The following IQSEC3 variants were observed in gnomAD, a reference collection of about 807,000 sequenced individuals.
IQSEC3 encodes IQ motif and SEC7 domain-containing protein 3.
Under a neutral mutation model 105.4 loss-of-function variants are expected in IQSEC3, and 50 were observed. That is an observed-to-expected ratio of 0.47 (90% CI 0.38 to 0.60). The LOEUF is 0.60. IQSEC3 is among the 20% of genes least tolerant of loss of function. The pLI is 0.00. For synonymous variants in IQSEC3, 708 were observed against 746.0 expected (o/e 0.95, Z 0.83); for missense variants, 1,415 against 1,630.0 (o/e 0.87, Z 2.27).
Position 175,054 on chromosome 12 carries a change from T to G in IQSEC3, c.*21T>G. On this transcript the variant is annotated 3_prime_UTR_variant, in exon 14 of 14. Coordinates refer to ENST00000538872, the MANE Select transcript of IQSEC3 (RefSeq NM_001170738.2). ...TGTAGACTCTGCCCCACCACCCTGC[T>G]GTCCTGGGAGGGCTGGCCACTGGGG... The G allele has an allele frequency of 6.7e-7, 1 of 1,490,682 alleles. No homozygotes were observed. Among genetic ancestry groups the G allele is most frequent in the Non-Finnish European group, 8.9e-7 (1 of 1,123,622 alleles). The allele number at this position is 1,490,682 out of a possible 1,614,324, so 92.3% of individuals were successfully genotyped here.
intron 2 of IQSEC3, among the ~76,000 whole-genome samples, chr12:108,429 GGTTT>G (rs1358224549): frequency 2.0e-5 from 3 of 152,146 alleles, no homozygotes; most frequent in African/African-American, 4.8e-5. Context: ...TTTCTCATAA[GGTTT>G]GTTTGTTTCC....
chr12:68,511 G>A (rs1283303754), intron 1 of IQSEC3, among the ~76,000 whole-genome samples: 1 of 152,240 alleles, frequency 6.6e-6, no homozygotes, highest in Non-Finnish European at 1.5e-5. Context: ...AGATATGAAA[G>A]TGTCTGGGAT....
At chr12:141,338 C>T (rs1866019003) in intron 5 of IQSEC3, 53 bp downstream of exon 5, 1 of 1,570,802 alleles carries the variant, frequency 6.4e-7, no homozygotes, top group Non-Finnish European at 8.7e-7. Flanking sequence ...CCCCACCTGC[C>T]CGGGCTCTCT....
chr12:173,635 A>G (rs571527513), intron 13 of IQSEC3, among the ~76,000 whole-genome samples: 2 of 152,254 alleles, frequency 1.3e-5, no homozygotes, highest in African/African-American at 4.8e-5. Flanking sequence ...CTCAGAGAGG[A>G]GGAGGGTCTC....
At chr12:159,142 A>G (rs1256910163) in intron 7 of IQSEC3, among the ~76,000 whole-genome samples, 3 of 152,194 alleles carry the variant, frequency 2.0e-5, no homozygotes, top group Non-Finnish European at 4.4e-5. Context: ...AACTCCCTTC[A>G]TCTATACTTT....
At chr12:77,904 G>A (rs1337031241) in intron 1 of IQSEC3, among the ~76,000 whole-genome samples, 2 of 151,352 alleles carry the variant, frequency 1.3e-5, no homozygotes, top group East Asian at 3.9e-4. Context: ...CGGCGTGGGC[G>A]GGCCGGCTGG....
intron 13 of IQSEC3, 113 bp downstream of exon 13, chr12:171,274 C>A: frequency 6.2e-7 from 1 of 1,614,076 alleles, no homozygotes; most frequent in South Asian, 1.1e-5. Flanking sequence ...CCCAGCCCGA[C>A]TCACCATTTT....
intron 11 of IQSEC3, chr12:166,408 C>T (rs1938652842): frequency 6.5e-6 from 1 of 153,930 alleles, no homozygotes; most frequent in Non-Finnish European, 1.4e-5. Flanking sequence ...CCGCATCTTA[C>T]AGTAGTCTCT....
chr12:119,024 G>A (rs1865137000), intron 2 of IQSEC3, among the ~76,000 whole-genome samples: 1 of 152,186 alleles, frequency 6.6e-6, no homozygotes, highest in Non-Finnish European at 1.5e-5. Context: ...CTAACCTATG[G>A]GTTCATTTCA....
At chr12:161,892 C>G in intron 7 of IQSEC3, 34 bp from the exon 8 acceptor site, 2 of 1,549,510 alleles carry the variant, frequency 1.3e-6, no homozygotes, top group Non-Finnish European at 1.7e-6. Flanking sequence ...CCCTCCCAAC[C>G]CCACCACCAC....
chr12:141,234 T>C lies in IQSEC3; in HGVS notation c.2102T>C (p.Ile701Thr), dbSNP rs782256053. The C allele has an allele frequency of 8.7e-6, 14 of 1,613,764 alleles. No homozygotes were observed. Among genetic ancestry groups the C allele is most frequent in the African/African-American group, 2.7e-5 (2 of 74,842 alleles). Residue 701 changes from isoleucine to threonine, a missense_variant, in exon 5 of 14, where the codon ATT (isoleucine) becomes ACT (threonine). Physicochemically the swap from Ile to Thr is moderately conservative, Grantham distance 89. Coordinates refer to ENST00000538872, the MANE Select transcript of IQSEC3 (RefSeq NM_001170738.2). The stretch of plus-strand genomic sequence containing the variant: ...CGAAAGGGCCTCAGCCGCCAGATGA[T>C]TGGAGAGTTCCTGGGCAACAGCAAG... ...LQRKGLSRQMIGEFLGNSKKQ... is the reference protein window; with the variant it reads ...LQRKGLSRQMTGEFLGNSKKQ...
intron 3 of IQSEC3, among the ~76,000 whole-genome samples, chr12:126,722 T>C (rs1352811275): frequency 4.6e-5 from 7 of 152,128 alleles, no homozygotes; most frequent in African/African-American, 1.7e-4. Flanking sequence ...ATTCGTTTCC[T>C]CATCTGCAAA....
chr12:140,742 C>T (rs536347720), intron 4 of IQSEC3: 56 of 193,508 alleles, frequency 2.9e-4, no homozygotes, highest in East Asian at 2.2e-3. Context: ...GGTGGTGTGG[C>T]GGAGGTCTCA....
chr12:73,499 C>A (rs1166525759), intron 1 of IQSEC3, among the ~76,000 whole-genome samples: 2 of 152,200 alleles, frequency 1.3e-5, no homozygotes, highest in Admixed American at 1.3e-4. Flanking sequence ...CATGGTGAAA[C>A]CCTGTCTCTA....
intron 1 of IQSEC3, among the ~76,000 whole-genome samples, chr12:72,587 A>G (rs1591622385): frequency 2.5e-5 from 3 of 120,168 alleles, no homozygotes; most frequent in African/African-American, 2.7e-5. Context: ...AGGTGAGGCC[A>G]TCTGGCAGGG....
intron 2 of IQSEC3, among the ~76,000 whole-genome samples, chr12:110,094 CTT>C (rs1864829197): frequency 6.6e-6 from 1 of 152,232 alleles, no homozygotes; most frequent in East Asian, 1.9e-4. Context: ...CAGCTTAACT[CTT>C]TCTCTCTCTG....
intron 5 of IQSEC3, among the ~76,000 whole-genome samples, chr12:156,704 C>T (rs78686346): frequency 0.013 from 1,958 of 152,286 alleles, 22 homozygotes; most frequent in Middle Eastern, 0.051. Context: ...ATTATTTATG[C>T]TGAAAGCTTT....
intron 1 of IQSEC3, among the ~76,000 whole-genome samples, chr12:95,896 G>A (rs1445235816): frequency 1.3e-5 from 2 of 152,174 alleles, no homozygotes; most frequent in African/African-American, 4.8e-5. Flanking sequence ...GACTTGGGCT[G>A]TTTGCATTTC....
intron 1 of IQSEC3, among the ~76,000 whole-genome samples, chr12:82,230 T>C (rs1424399755): frequency 5.3e-5 from 8 of 152,178 alleles, no homozygotes; most frequent in Non-Finnish European, 1.0e-4. Flanking sequence ...CTTTTTAAAG[T>C]TCTTACCTAT....
Sources: gnomAD v4.1 joint callset for allele counts (sites outside exome capture counted in the v4.1 genomes callset) on GRCh38, gnomAD v4.1.1 for gene constraint, MANE v1.5 for transcripts, NCBI Gene and HGNC (gene_info 2026-07-23, HGNC 2026-07-21) for gene names.